SNED1: variants seen among roughly 807,000 people sequenced by gnomAD.
SNED1 encodes sushi, nidogen and EGF like domains 1.
Under a neutral mutation model 166.7 loss-of-function variants are expected in SNED1, and 81 were observed. The ratio of observed to expected loss-of-function variants is 0.49; its 90% CI spans 0.41 to 0.58. The LOEUF (loss-of-function observed/expected upper bound fraction) is 0.58. Among genes scored for constraint, SNED1 ranks in the 20% least tolerant of loss-of-function variants. The pLI, the probability that SNED1 is intolerant of heterozygous loss-of-function variation, is 0.00. For missense variants in SNED1, 1,604 were observed against 2,000.2 expected (o/e 0.80, Z 3.78); for synonymous variants, 762 against 822.0 (o/e 0.93, Z 1.25).
chr2:241,086,337 C>T (rs1240959214), intron 29 of SNED1, among the ~76,000 whole-genome samples: 2 of 146,372 alleles, frequency 1.4e-5, no homozygotes, highest in Admixed American at 6.9e-5. Flanking sequence ...TTCTGGAGTT[C>T]CTCCTCTGCA....
intron 29 of SNED1, among the ~76,000 whole-genome samples, chr2:241,082,865 G>A (rs914814018): frequency 4.0e-5 from 6 of 151,808 alleles, no homozygotes; most frequent in African/African-American, 9.7e-5. Flanking sequence ...TGACTCTGTC[G>A]GTCACACAGT....
chr2:241,010,266 C>G (rs1442832894), intron 1 of SNED1: 4 of 152,316 alleles, frequency 2.6e-5, no homozygotes, highest in Admixed American at 2.6e-4. Flanking sequence ...GGCTCAGGTC[C>G]GGGGGAGCAG....
At chr2:241,041,153 A>G (rs996456202) in intron 8 of SNED1, 4 of 283,402 alleles carry the variant, frequency 1.4e-5, no homozygotes, top group South Asian at 3.1e-5. Flanking sequence ...TGCCGAGTGC[A>G]TGGGAGGCCA....
In SNED1 at chr2:241,051,619, C is replaced by A; in HGVS notation, c.1736-125C>A. ...CTGCTTGGCCCCTGCTGCAGCCAGG[C>A]CCCAGGGCTTCGTCGAGAAGGCCCC... On this transcript the variant is annotated intron_variant, in intron 12 of 31. Transcript: ENST00000310397. The surrounding 1 kb of genome is among the most constrained non-coding windows in gnomAD (Gnocchi z 4.7). The A allele has an allele frequency of 1.3e-6, 1 of 752,496 alleles. No homozygotes were observed. The highest frequency in any genetic ancestry group is 2.0e-6 in the Non-Finnish European group (1 of 491,692). The allele number at this position is 752,496 out of a possible 1,614,324, so 46.6% of individuals were successfully genotyped here.
chr2:241,088,469 C>A, intron 31 of SNED1, 67 bp downstream of exon 31: 1 of 1,313,942 alleles, frequency 7.6e-7, no homozygotes, highest in Non-Finnish European at 1.1e-6. Context: ...ACTGCCCAGC[C>A]CCGGGATCTC....
chr2:241,049,423 T>A (rs1036768209), intron 11 of SNED1, among the ~76,000 whole-genome samples: 1 of 152,248 alleles, frequency 6.6e-6, no homozygotes, highest in African/African-American at 2.4e-5. Flanking sequence ...ATTTAATGCA[T>A]ACATAATTAG....
chr2:241,019,777 G>A (rs1301602177), intron 1 of SNED1, among the ~76,000 whole-genome samples: 7 of 152,144 alleles, frequency 4.6e-5, no homozygotes, highest in African/African-American at 7.2e-5. Context: ...CAACACCAGC[G>A]GGCCCCAAAT....
rs750767258 is a variant in SNED1 at position 241,073,239 on chromosome 2, G to A, written c.3818-27G>A. On this transcript the variant is annotated intron_variant, in intron 26 of 31. Transcript: ENST00000310397. This position sits in a 1 kb window ranked among gnomAD's most constrained non-coding sequence, Gnocchi z 6.6. ...ATCCCGGGTGCAAAGCAGCTGCGCC[G>A]TGTGGTCACCGCCTGGCTTCTCCTA... is the stretch of plus-strand genomic sequence containing the variant. 1.0e-5 allele frequency: 16 copies of A among 1,526,484 alleles called. No homozygotes were observed. Among genetic ancestry groups the A allele is most frequent in the Middle Eastern group, 1.7e-4 (1 of 5,836 alleles). 94.6% of individuals were successfully genotyped at this position (1,526,484 alleles called of 1,614,324 possible).
chr2:241,032,426 C>T (rs1286583727), intron 2 of SNED1, among the ~76,000 whole-genome samples: 1 of 150,044 alleles, frequency 6.7e-6, no homozygotes, highest in East Asian at 2.0e-4. Context: ...TCAGTTCCCA[C>T]CTATGAGTGA....
chr2:241,020,352 G>C (rs1166653987), intron 1 of SNED1, among the ~76,000 whole-genome samples: 1 of 152,224 alleles, frequency 6.6e-6, no homozygotes, highest in Non-Finnish European at 1.5e-5. Flanking sequence ...GCTGGGGCTG[G>C]ACAGCCACTG....
chr2:241,006,401 G>A (rs1377078058), intron 1 of SNED1, among the ~76,000 whole-genome samples: 1 of 152,188 alleles, frequency 6.6e-6, no homozygotes, highest in African/African-American at 2.4e-5. Context: ...GTGAACAAAA[G>A]TGAAAAGAAT....
At chr2:241,035,022 A>G (rs1418976255) in intron 4 of SNED1, among the ~76,000 whole-genome samples, 2 of 151,930 alleles carry the variant, frequency 1.3e-5, no homozygotes, top group Non-Finnish European at 2.9e-5. Flanking sequence ...GTTGGAGGGA[A>G]CCCTCTGGAG....
At chr2:241,045,707 C>A (rs1230534297) in intron 8 of SNED1, among the ~76,000 whole-genome samples, 7 of 133,294 alleles carry the variant, frequency 5.3e-5, no homozygotes, top group African/African-American at 5.6e-5. Context: ...TAGAAGAAAA[C>A]ATAGGCAAAA....
At chr2:241,089,297 T>G in intron 31 of SNED1, 1 of 1,549,418 alleles carries the variant, frequency 6.5e-7, no homozygotes, top group Non-Finnish European at 8.7e-7. Flanking sequence ...ATCTTCCTGG[T>G]GGCGCAGATG....
At chr2:241,057,263 C>T (rs2062076513) in intron 16 of SNED1, among the ~76,000 whole-genome samples, 1 of 151,696 alleles carries the variant, frequency 6.6e-6, no homozygotes, top group African/African-American at 2.4e-5. Context: ...CCTGTAATCT[C>T]AGCTACTCAG....
rs1305912169 is a variant in SNED1 at position 241,040,173 on chromosome 2, G to A, written c.1144G>A (p.Ala382Thr). Residue 382 changes from alanine (A) to threonine (T), a missense_variant, in exon 7 of 32, where the codon GCA becomes ACA. This residue lies in a region of SNED1 where 1,237 missense variants were observed against 1,620.8 expected (regional missense o/e 0.76). Coordinates refer to ENST00000310397, the MANE Select transcript of SNED1 (RefSeq NM_001080437.3). ...VCVCQAGYTG[A>T]ACEMDVDDCS... ...TGTGTGCCAGGCCGGATACACCGGA[G>A]CAGCCTGCGAGATGGGTGAGTGGCC... is the stretch of plus-strand genomic sequence containing the variant. 6.3e-7 allele frequency: 1 copy of A among 1,597,550 alleles called. No individual in the cohort carries two copies. The highest frequency in any genetic ancestry group is 8.5e-7 in the Non-Finnish European group (1 of 1,172,196).
chr2:241,021,600 A>G (rs2060776398), intron 1 of SNED1, among the ~76,000 whole-genome samples: 1 of 152,240 alleles, frequency 6.6e-6, no homozygotes, highest in Non-Finnish European at 1.5e-5. Flanking sequence ...TTCATGTTGT[A>G]GCATGGATCA....
In SNED1 at chr2:241,073,035, G is replaced by C. The variant is rs868554275; in HGVS notation, c.3818-231G>C. 4.7e-5 allele frequency: 25 copies of C among 532,756 alleles called. 1 individual carries two copies. The South Asian group carries it at 7.1e-4, about 15-fold the overall frequency. The allele number at this position is 532,756 out of a possible 1,614,324, so 33.0% of individuals were successfully genotyped here. A position where few individuals can be genotyped will look rare whatever the true frequency, so the allele number is the denominator to read the frequency against. On this transcript the variant is annotated intron_variant, in intron 26 of 31. Coordinates refer to ENST00000310397, the MANE Select transcript of SNED1 (RefSeq NM_001080437.3). This position sits in a 1 kb window ranked among gnomAD's most constrained non-coding sequence, Gnocchi z 6.6. Reference sequence around the variant, plus strand: ...GCTGTCCCTGAAGCAGCTCTGAGGGGGCCCTGCAAGGGGAAGGCCGAGCCC... The same window carrying C: ...GCTGTCCCTGAAGCAGCTCTGAGGGCGCCCTGCAAGGGGAAGGCCGAGCCC...
chr2:241,066,469 G>T (rs2062454686), intron 21 of SNED1, among the ~76,000 whole-genome samples: 1 of 152,220 alleles, frequency 6.6e-6, no homozygotes. Flanking sequence ...AACAGGCTGG[G>T]CAGGAACCAA....
Sources: allele counts gnomAD v4.1 joint callset (sites outside exome capture counted in the v4.1 genomes callset), GRCh38; gene constraint gnomAD v4.1.1; regional missense constraint gnomAD v4.1.1; non-coding constraint Gnocchi (gnomAD v3.1); transcripts MANE v1.5; gene names NCBI Gene and HGNC (gene_info 2026-07-23, HGNC 2026-07-21).